Variants in ADAMTS19 observed in about 807,000 individuals in gnomAD.
The protein encoded by ADAMTS19 is A disintegrin and metalloproteinase with thrombospondin motifs 19.
A neutral mutation model predicts 153.3 loss-of-function variants in ADAMTS19; 93 were observed. The observed-to-expected ratio is 0.61, with a 90% CI of 0.51 to 0.72. The LOEUF (loss-of-function observed/expected upper bound fraction) is 0.72, where lower values mean the gene tolerates loss of function less well. Among genes scored for constraint, ADAMTS19 ranks in the 30% least tolerant of loss-of-function variants. The probability of loss-of-function intolerance (pLI) is 0.00; values close to 1 mark genes in which losing one functional copy is unlikely to be tolerated. For missense variants in ADAMTS19, 1,482 were observed against 1,552.1 expected (o/e 0.95, Z 0.76); for synonymous variants, 600 against 556.6 (o/e 1.08, Z -1.10).
At chr5:129,703,108 T>C (rs556110188) in intron 20 of ADAMTS19, among the ~76,000 whole-genome samples, 136 of 150,762 alleles carry the variant, frequency 9.0e-4, no homozygotes, top group African/African-American at 3.0e-3. Flanking sequence ...TAAAATGTCA[T>C]TAGTTCCATG....
At chr5:129,700,155 G>A (rs1234919544) in intron 19 of ADAMTS19, among the ~76,000 whole-genome samples, 1 of 152,186 alleles carries the variant, frequency 6.6e-6, no homozygotes, top group Admixed American at 6.5e-5. Context: ...ATAGGTTTTA[G>A]TTCTTTCCTA....
intron 7 of ADAMTS19, among the ~76,000 whole-genome samples, chr5:129,594,825 C>T (rs1227682785): frequency 2.6e-5 from 4 of 151,790 alleles, no homozygotes; most frequent in African/African-American, 9.7e-5. Context: ...TCTGTGTATC[C>T]TTACCTTCAT....
At chr5:129,568,445 A>C (rs1315245076) in intron 7 of ADAMTS19, among the ~76,000 whole-genome samples, 1 of 152,160 alleles carries the variant, frequency 6.6e-6, no homozygotes, top group Non-Finnish European at 1.5e-5. Flanking sequence ...TTCTAAGTAG[A>C]CTTTTAAGGG....
chr5:129,481,339 C>T (rs532906363), intron 2 of ADAMTS19, among the ~76,000 whole-genome samples: 5 of 152,222 alleles, frequency 3.3e-5, no homozygotes, highest in East Asian at 1.9e-4. Flanking sequence ...ACTAGAACAG[C>T]GTGGGGGAAA....
At chr5:129,644,978 T>G (rs1012682445) in intron 11 of ADAMTS19, among the ~76,000 whole-genome samples, 1 of 152,190 alleles carries the variant, frequency 6.6e-6, no homozygotes, top group Non-Finnish European at 1.5e-5. Flanking sequence ...TCCTCTTCTC[T>G]CTTCCACAAT....
At chr5:129,606,294 C>A (rs1260623727) in intron 8 of ADAMTS19, among the ~76,000 whole-genome samples, 1 of 152,186 alleles carries the variant, frequency 6.6e-6, no homozygotes, top group African/African-American at 2.4e-5. Context: ...GGTTATATAC[C>A]TGCTTCTTCA....
At chr5:129,494,250 G>T (rs1025358271) in intron 2 of ADAMTS19, among the ~76,000 whole-genome samples, 8 of 152,092 alleles carry the variant, frequency 5.3e-5, no homozygotes, top group Non-Finnish European at 1.0e-4. Flanking sequence ...AGCTGCTGGG[G>T]AAAAGTATTC....
chr5:129,678,286 C>A (rs993721175), intron 16 of ADAMTS19, among the ~76,000 whole-genome samples: 1 of 152,076 alleles, frequency 6.6e-6, no homozygotes, highest in Non-Finnish European at 1.5e-5. Flanking sequence ...ATGTATGGCT[C>A]CCTTAGTCTA....
intron 2 of ADAMTS19, among the ~76,000 whole-genome samples, chr5:129,463,582 A>C (rs1302229203): frequency 6.6e-6 from 1 of 152,166 alleles, no homozygotes; most frequent in Non-Finnish European, 1.5e-5. Flanking sequence ...TCAGTAAAAA[A>C]GTTAAGCAAA....
intron 6 of ADAMTS19, among the ~76,000 whole-genome samples, chr5:129,531,588 G>T (rs1227806513): frequency 6.6e-6 from 1 of 152,132 alleles, no homozygotes; most frequent in Non-Finnish European, 1.5e-5. Flanking sequence ...TTGCGCTACT[G>T]CACGCCAGCC....
Position 129,627,614 on chromosome 5 carries a change from C to T in ADAMTS19, c.1770+5266C>T, listed in dbSNP as rs78229122. Among the ~76,000 whole-genome samples, 29 of 151,480 alleles carry T rather than the reference C, an allele frequency of 1.9e-4. No homozygotes were observed. In the East Asian group the frequency reaches 5.1e-3, roughly 26 times the overall value. ...CTTAAACAAATTTAAAAGGAAAAAC[C>T]GACCCCATTAAAAAGTGGGCAAAGA... is the stretch of plus-strand genomic sequence containing the variant. On this transcript the variant is annotated intron_variant, in intron 10 of 22. Transcript: ENST00000274487.
At chr5:129,687,037 G>A (rs1270053542) in intron 18 of ADAMTS19, among the ~76,000 whole-genome samples, 1 of 151,974 alleles carries the variant, frequency 6.6e-6, no homozygotes, top group African/African-American at 2.4e-5. Flanking sequence ...ATCCTACACT[G>A]ATGCCAGGGG....
At chr5:129,581,701 T>G (rs751440319) in intron 7 of ADAMTS19, among the ~76,000 whole-genome samples, 2 of 152,204 alleles carry the variant, frequency 1.3e-5, no homozygotes, top group African/African-American at 2.4e-5. Context: ...TGTTAGGGTG[T>G]TGTTGTTATA....
chr5:129,490,700 T>A (rs1750736470), intron 2 of ADAMTS19, among the ~76,000 whole-genome samples: 1 of 152,136 alleles, frequency 6.6e-6, no homozygotes, highest in Admixed American at 6.5e-5. Context: ...AATAAGCCCA[T>A]TTTCTGGTGC....
intron 18 of ADAMTS19, among the ~76,000 whole-genome samples, chr5:129,688,875 G>A (rs1755206753): frequency 6.6e-6 from 1 of 152,150 alleles, no homozygotes; most frequent in Non-Finnish European, 1.5e-5. Flanking sequence ...AATATTTGGA[G>A]GAATGGTTTA....
chr5:129,615,524 C>T (rs933468903), intron 8 of ADAMTS19, among the ~76,000 whole-genome samples: 1 of 151,972 alleles, frequency 6.6e-6, no homozygotes, highest in Non-Finnish European at 1.5e-5. Flanking sequence ...TGTCCTCATG[C>T]CCTATGATTC....
At chr5:129,509,604 C>G (rs1218027959) in intron 3 of ADAMTS19, among the ~76,000 whole-genome samples, 1 of 151,946 alleles carries the variant, frequency 6.6e-6, no homozygotes. Context: ...TAATTTAGTC[C>G]ACCTCTGTGA....
At chr5:129,641,349 A>G (rs1410876800) in intron 10 of ADAMTS19, among the ~76,000 whole-genome samples, 1 of 152,198 alleles carries the variant, frequency 6.6e-6, no homozygotes, top group Non-Finnish European at 1.5e-5. Context: ...ATAACAATTT[A>G]CAGAAACATA....
chr5:129,577,871 C>T (rs1440214819), intron 7 of ADAMTS19, among the ~76,000 whole-genome samples: 1 of 151,516 alleles, frequency 6.6e-6, no homozygotes, highest in Non-Finnish European at 1.5e-5. Context: ...TCTCTTTTAT[C>T]CTTGATAGAT....
Sources: allele counts gnomAD v4.1 joint callset (sites outside exome capture counted in the v4.1 genomes callset), GRCh38; gene constraint gnomAD v4.1.1; transcripts MANE v1.5; gene names NCBI Gene and HGNC (gene_info 2026-07-23, HGNC 2026-07-21).